Variants in SLC14A2 observed in about 807,000 individuals in gnomAD.
The protein encoded by SLC14A2 is solute carrier family 14 member 2.
In SLC14A2, 91 loss-of-function variants were observed where a neutral mutation model predicts 104.6. The ratio of observed to expected loss-of-function variants is 0.87; its 90% CI spans 0.73 to 1.04. The LOEUF is 1.04. Among genes scored for constraint, SLC14A2 ranks in the 50% least tolerant of loss-of-function variants. The pLI is 0.00. For synonymous variants in SLC14A2, 476 were observed against 466.4 expected, an observed-to-expected ratio of 1.02 and a Z score of -0.27; for missense variants, 1,189 against 1,156.0, an observed-to-expected ratio of 1.03 and a Z score of -0.41.
chr18:45,429,322 G>A (rs2086479188), intron 1 of SLC14A2, among the ~76,000 whole-genome samples: 1 of 152,198 alleles, frequency 6.6e-6, no homozygotes, highest in African/African-American at 2.4e-5. Context: ...ACTGTGGAGA[G>A]TCTGTGGAAG....
rs879555476 is a variant in SLC14A2 at position 45,457,873 on chromosome 18, G to A, written c.-124-25360G>A. ...CATGAGAGCAGCTACCCCCGGGGCT[G>A]GGGCGGTGGGAGGAGAAGAAGCATC... On this transcript the variant is annotated intron_variant, in intron 1 of 20. Transcript: ENST00000586448. Among the ~76,000 whole-genome samples the A allele has an allele frequency of 1.7e-4, 26 of 152,160 alleles. 1 individual carries two copies. The highest frequency in any genetic ancestry group is 1.7e-3 in the Admixed American group (26 of 15,278).
chr18:45,450,815 C>G (rs2086845833), intron 1 of SLC14A2, among the ~76,000 whole-genome samples: 1 of 152,108 alleles, frequency 6.6e-6, no homozygotes, highest in South Asian at 2.1e-4. Context: ...ACCATTCAGT[C>G]AAGAATTGCA....
At chr18:45,291,762 A>G (rs886358869) in intron 1 of SLC14A2, among the ~76,000 whole-genome samples, 1 of 151,496 alleles carries the variant, frequency 6.6e-6, no homozygotes, top group African/African-American at 2.4e-5. Flanking sequence ...TTTCAAGCCT[A>G]CATAGGAGTC....
At chr18:45,176,568 T>A in the SLC14A2 span, among the ~76,000 whole-genome samples, 1 of 152,188 alleles carries the variant, frequency 6.6e-6, no homozygotes, top group Non-Finnish European at 1.5e-5. Context: ...ATAACATTTT[T>A]TACAATCCTC....
intron 5 of SLC14A2, chr18:45,634,982 A>G: frequency 2.5e-6 from 1 of 394,430 alleles, no homozygotes; most frequent in South Asian, 1.9e-5. Context: ...GTATATTTTA[A>G]AGAAGATAGA....
intron 2 of SLC14A2, among the ~76,000 whole-genome samples, chr18:45,587,284 T>G (rs776078237): frequency 7.9e-5 from 12 of 152,334 alleles, no homozygotes; most frequent in Non-Finnish European, 1.6e-4. Context: ...TGTTAAATTA[T>G]GCACTCACAA....
chr18:45,310,444 T>G (rs2085067254), intron 1 of SLC14A2, among the ~76,000 whole-genome samples: 1 of 152,186 alleles, frequency 6.6e-6, no homozygotes, highest in Non-Finnish European at 1.5e-5. Flanking sequence ...TGTAGAAAAC[T>G]AAATTTAATT....
intron 1 of SLC14A2, among the ~76,000 whole-genome samples, chr18:45,391,882 T>C (rs907103566): frequency 1.3e-5 from 2 of 152,252 alleles, no homozygotes; most frequent in Admixed American, 6.5e-5. Context: ...GGGTTGCCTG[T>C]TCACTCTGAT....
At chr18:45,462,134 C>T (rs998500281) in intron 1 of SLC14A2, among the ~76,000 whole-genome samples, 1 of 152,144 alleles carries the variant, frequency 6.6e-6, no homozygotes, top group African/African-American at 2.4e-5. Context: ...TTCATAATTC[C>T]ATAGAAAACA....
intron 2 of SLC14A2, among the ~76,000 whole-genome samples, chr18:45,540,177 C>T (rs2144855180): frequency 6.6e-6 from 1 of 152,160 alleles, no homozygotes; most frequent in Admixed American, 6.5e-5. Context: ...GATTTAATGG[C>T]AGGGTAAGGA....
intron 2 of SLC14A2, 51 bp from the exon 3 acceptor site, chr18:45,625,632 C>T: frequency 6.9e-7 from 1 of 1,456,124 alleles, no homozygotes; most frequent in Non-Finnish European, 9.2e-7. Flanking sequence ...CCAAATGTCC[C>T]TGCTCTCAGA....
In SLC14A2 at chr18:45,429,536, T is replaced by C. The variant is rs963221434; in HGVS notation, c.-124-53697T>C. Among the ~76,000 whole-genome samples the C allele has an allele frequency of 2.6e-5, 4 of 152,324 alleles. No individual in the cohort carries two copies. The East Asian group carries it at 7.7e-4, about 29-fold the overall frequency. The stretch of plus-strand genomic sequence containing the variant: ...AAATCTAGCCCATCACTTGATTCCC[T>C]GTTGTCAAATAACTGTGATATGGAC... On this transcript the variant is annotated intron_variant, in intron 1 of 20. Transcript: ENST00000586448.
intron 1 of SLC14A2, among the ~76,000 whole-genome samples, chr18:45,467,759 G>A (rs756848925): frequency 3.9e-5 from 6 of 152,074 alleles, no homozygotes; most frequent in Admixed American, 6.5e-5. Context: ...CCAGGACATC[G>A]GTAAATGTTA....
chr18:45,505,459 C>G (rs1028398146), intron 2 of SLC14A2, among the ~76,000 whole-genome samples: 1 of 152,052 alleles, frequency 6.6e-6, no homozygotes, highest in Non-Finnish European at 1.5e-5. Context: ...GGTAATATTC[C>G]CTGAGAATGC....
intron 1 of SLC14A2, among the ~76,000 whole-genome samples, chr18:45,355,945 G>A (rs2085549563): frequency 6.6e-6 from 1 of 152,176 alleles, no homozygotes; most frequent in Admixed American, 6.5e-5. Flanking sequence ...GGAGACTAGA[G>A]GCAAAGAGAA....
intron 2 of SLC14A2, among the ~76,000 whole-genome samples, chr18:45,511,386 C>G (rs200316452): frequency 1.3e-5 from 2 of 152,142 alleles, no homozygotes; most frequent in Non-Finnish European, 2.9e-5. Flanking sequence ...TCTGACATCA[C>G]TCAGGAGTGG....
intron 4 of SLC14A2, among the ~76,000 whole-genome samples, chr18:45,630,096 A>AT (rs1197937803): frequency 5.3e-5 from 8 of 152,028 alleles, no homozygotes; most frequent in Non-Finnish European, 1.0e-4. Flanking sequence ...TCTGTAATTA[A>AT]TTTTTTTGAT....
chr18:45,374,880 A>G (rs528752856), intron 1 of SLC14A2, among the ~76,000 whole-genome samples: 1 of 152,330 alleles, frequency 6.6e-6, no homozygotes, highest in Admixed American at 6.5e-5. Flanking sequence ...CAAGGTGGCC[A>G]TTTGTGAGTT....
At chr18:45,316,884 G>A (rs1025580364) in intron 1 of SLC14A2, among the ~76,000 whole-genome samples, 1 of 152,184 alleles carries the variant, frequency 6.6e-6, no homozygotes, top group Non-Finnish European at 1.5e-5. Flanking sequence ...TCCTCCCAAG[G>A]GTGAGCTAGT....
Sources: gnomAD v4.1 joint callset for allele counts (sites outside exome capture counted in the v4.1 genomes callset) on GRCh38, gnomAD v4.1.1 for gene constraint, MANE v1.5 for transcripts, NCBI Gene and HGNC (gene_info 2026-07-23, HGNC 2026-07-21) for gene names.